The following LPGAT1 variants were observed in gnomAD, a reference collection of about 807,000 sequenced individuals.
The protein encoded by LPGAT1 is acyl-CoA:lysophosphatidylglycerol acyltransferase 1.
In LPGAT1, 11 loss-of-function variants were observed where a neutral mutation model predicts 47.5. The ratio of observed to expected loss-of-function variants is 0.23; its 90% confidence interval spans 0.15 to 0.38. The LOEUF is 0.38. Among genes scored for constraint, LPGAT1 ranks in the 10% least tolerant of loss-of-function variants. The pLI is 1.00. For synonymous variants in LPGAT1, 138 were observed against 144.2 expected (o/e 0.96, Z 0.31); for missense variants, 293 against 439.0 (o/e 0.67, Z 2.97).
chr1:211,776,335 G>A (rs1197995440), intron 6 of LPGAT1, among the ~76,000 whole-genome samples: 7 of 152,028 alleles, frequency 4.6e-5, no homozygotes, highest in Admixed American at 6.6e-5. Flanking sequence ...TCAGGAGTTC[G>A]AGACCAGCCT....
chr1:211,776,545 T>C (rs1658408654), intron 6 of LPGAT1, among the ~76,000 whole-genome samples: 2 of 151,976 alleles, frequency 1.3e-5, no homozygotes, highest in Non-Finnish European at 2.9e-5. Flanking sequence ...AAACTAGCAA[T>C]AGTACTGACT....
At chr1:211,755,157 G>A (rs1300201060) in intron 6 of LPGAT1, among the ~76,000 whole-genome samples, 1 of 151,224 alleles carries the variant, frequency 6.6e-6, no homozygotes, top group East Asian at 2.0e-4. Context: ...CTAACACGGT[G>A]AAACCCCGTC....
intron 6 of LPGAT1, among the ~76,000 whole-genome samples, chr1:211,768,612 T>A (rs1303417290): frequency 6.6e-6 from 1 of 152,234 alleles, no homozygotes; most frequent in Non-Finnish European, 1.5e-5. Flanking sequence ...TTCAGAGACG[T>A]TAATATGTGT....
At chr1:211,797,796 A>G (rs1405956625) in intron 2 of LPGAT1, among the ~76,000 whole-genome samples, 2 of 152,206 alleles carry the variant, frequency 1.3e-5, no homozygotes, top group East Asian at 1.9e-4. Context: ...ACGCTGCTCT[A>G]TGAAATGAAT....
intron 2 of LPGAT1, among the ~76,000 whole-genome samples, chr1:211,817,657 T>A (rs1326642289): frequency 1.3e-5 from 2 of 152,108 alleles, no homozygotes; most frequent in Non-Finnish European, 2.9e-5. Context: ...TTCTACTAAC[T>A]AATGAGTGTA....
chr1:211,826,666 G>GATAT (rs10565966), intron 2 of LPGAT1, among the ~76,000 whole-genome samples: 43 of 148,810 alleles, frequency 2.9e-4, no homozygotes, highest in African/African-American at 1.0e-3. Context: ...TTTGGAAAAA[G>GATAT]ATATATATAT....
At chr1:211,810,021 G>A (rs1659910617) in intron 2 of LPGAT1, among the ~76,000 whole-genome samples, 1 of 151,992 alleles carries the variant, frequency 6.6e-6, no homozygotes, top group Non-Finnish European at 1.5e-5. Flanking sequence ...ATATAGTAAG[G>A]GTTTTGATCT....
chr1:211,796,152 C>T (rs1659342693), intron 2 of LPGAT1, among the ~76,000 whole-genome samples: 1 of 151,854 alleles, frequency 6.6e-6, no homozygotes, highest in Non-Finnish European at 1.5e-5. Context: ...TACCTGTTTG[C>T]TTTATATAAA....
At chr1:211,825,184 T>A (rs539437526) in intron 2 of LPGAT1, among the ~76,000 whole-genome samples, 136 of 129,014 alleles carry the variant, frequency 1.1e-3, no homozygotes, top group Middle Eastern at 3.7e-3. Flanking sequence ...TCATGCACAG[T>A]CTTCTTTTTT....
At chr1:211,756,875 CTTT>C (rs1233456083) in intron 6 of LPGAT1, among the ~76,000 whole-genome samples, 1 of 132,118 alleles carries the variant, frequency 7.6e-6, no homozygotes, top group Non-Finnish European at 1.6e-5. Flanking sequence ...TTTTTTCTCT[CTTT>C]TTTTTTTTTT....
At chr1:211,829,688 T>C in intron 1 of LPGAT1, 1 of 1,043,712 alleles carries the variant, frequency 9.6e-7, no homozygotes, top group Non-Finnish European at 1.2e-6. Flanking sequence ...ATCTCCAAAC[T>C]GAAGACACAA....
chr1:211,793,028 C>G, intron 3 of LPGAT1, 44 bp downstream of exon 3: 2 of 1,370,878 alleles, frequency 1.5e-6, no homozygotes, highest in Non-Finnish European at 2.0e-6. Context: ...TCCTTTTTAA[C>G]CTTCCTTTCT....
intron 2 of LPGAT1, among the ~76,000 whole-genome samples, chr1:211,813,437 G>A (rs1245993940): frequency 6.6e-6 from 1 of 152,092 alleles, no homozygotes; most frequent in Non-Finnish European, 1.5e-5. Flanking sequence ...TTATGACTAC[G>A]AAGCAGGGGT....
intron 6 of LPGAT1, among the ~76,000 whole-genome samples, chr1:211,767,146 T>G (rs1219328793): frequency 6.6e-6 from 1 of 152,224 alleles, no homozygotes; most frequent in African/African-American, 2.4e-5. Context: ...GTTTTTTTCT[T>G]TTTTTCTTTT....
intron 6 of LPGAT1, among the ~76,000 whole-genome samples, chr1:211,758,174 T>C (rs545796847): frequency 3.3e-5 from 5 of 152,320 alleles, no homozygotes; most frequent in African/African-American, 1.2e-4. Context: ...AAAGTGCCTT[T>C]TCCTAACTTC....
intron 6 of LPGAT1, among the ~76,000 whole-genome samples, chr1:211,772,102 G>A (rs758734632): frequency 2.2e-4 from 33 of 152,182 alleles, no homozygotes; most frequent in Middle Eastern, 3.4e-3. Flanking sequence ...AAAATCCACC[G>A]GGAATTTATT....
Position 211,778,998 on chromosome 1 carries a change from A to G in LPGAT1, c.774T>C (p.Ala258=). The G allele has an allele frequency of 6.2e-7, 1 of 1,609,782 alleles. No individual in the cohort carries two copies. Among genetic ancestry groups the G allele is most frequent in the South Asian group, 1.1e-5 (1 of 89,966 alleles). Residue 258 remains alanine (A), a synonymous_variant, in exon 6 of 8, where the codon GCT becomes GCC. Transcript: ENST00000366997. ...TATCTATAGGTTCAGCTTTGGGATA[A>G]GCTATCGTTGTATCTATTATCCACT... ...GLQWIIDTTI[A]YPKAEPIDIQ...
Position 211,750,955 on chromosome 1 carries a change from G to A in LPGAT1, c.961+6C>T, listed in dbSNP as rs1360081177. ...ATTTAGCAACTATTTAAAGGTTACT[G>A]TGTACCTGTTTCATAAAAATGTGAT... On this transcript the variant is annotated splice_donor_region_variant and intron_variant, in intron 7 of 7. Coordinates refer to ENST00000366997, the MANE Select transcript of LPGAT1 (RefSeq NM_014873.3). 5 of 1,587,066 alleles carry A rather than the reference G, an allele frequency of 3.2e-6. No homozygotes were observed. Among genetic ancestry groups the A allele is most frequent in the Non-Finnish European group, 4.3e-6 (5 of 1,156,042 alleles).
In LPGAT1 at chr1:211,744,432, A is replaced by G. The variant is rs1656861881; in HGVS notation, c.*5467T>C. On this transcript the variant is annotated 3_prime_UTR_variant, in exon 8 of 8. Transcript: ENST00000366997. ...AAACAGTTTTAACAGTAGATCACGT[A>G]TCAGATTGAATGATAATAAATTTAT... The G allele has an allele frequency of 6.6e-6, 1 of 152,252 alleles. No homozygotes were observed. The highest frequency in any genetic ancestry group is 1.5e-5 in the Non-Finnish European group (1 of 68,038). 9.4% of individuals were successfully genotyped at this position (152,252 alleles called of 1,614,324 possible).
Sources: allele counts gnomAD v4.1 joint callset (sites outside exome capture counted in the v4.1 genomes callset), GRCh38; gene constraint gnomAD v4.1.1; transcripts MANE v1.5; gene names NCBI Gene and HGNC (gene_info 2026-07-23, HGNC 2026-07-21).